SHISA9: variants seen among roughly 807,000 people sequenced by gnomAD.
SHISA9 encodes the protein shisa family member 9.
Under a neutral mutation model 38.0 loss-of-function variants are expected in SHISA9, and 13 were observed. The ratio of observed to expected loss-of-function variants is 0.34; its 90% CI spans 0.22 to 0.54. SHISA9 has a LOEUF of 0.54. Among genes scored for constraint, SHISA9 ranks in the 20% least tolerant of loss-of-function variants. The pLI is 0.91. For missense variants in SHISA9, 538 were observed against 575.8 expected, an observed-to-expected ratio of 0.93 and a Z score of 0.67; for synonymous variants, 275 against 242.0, an observed-to-expected ratio of 1.14 and a Z score of -1.27.
chr16:13,003,769 A>G (rs576853251), intron 2 of SHISA9, among the ~76,000 whole-genome samples: 2 of 152,234 alleles, frequency 1.3e-5, no homozygotes, highest in South Asian at 4.1e-4. Flanking sequence ...GAGCCAGGAG[A>G]ATCGCTTGAA....
At chr16:13,456,739 A>G in the SHISA9 span, among the ~76,000 whole-genome samples, 1 of 152,218 alleles carries the variant, frequency 6.6e-6, no homozygotes, top group Non-Finnish European at 1.5e-5. Flanking sequence ...CCATGTTGTC[A>G]ACTCTAACTC....
the SHISA9 span, among the ~76,000 whole-genome samples, chr16:13,376,838 C>T: frequency 2.6e-5 from 4 of 152,044 alleles, no homozygotes; most frequent in African/African-American, 9.7e-5. Context: ...CAGGTGCACA[C>T]CACTATGCCC....
chr16:12,911,397 G>GT lies in SHISA9; in HGVS notation c.564-5284dup, dbSNP rs544399827. On this transcript the variant is annotated intron_variant, in intron 1 of 4. Coordinates refer to ENST00000558583, the MANE Select transcript of SHISA9 (RefSeq NM_001145204.3). ...TTCAGCACATTCCTGTCTATAAAAT[G>GT]TTTTTTTGTATGCACCCCAATATAT... The GT allele has an allele frequency of 1.2e-4, 119 of 985,246 alleles. No individual in the cohort carries two copies. In the African/African-American group the frequency reaches 1.8e-3, roughly 15 times the overall value. 61.0% of individuals were successfully genotyped at this position (985,246 alleles called of 1,614,324 possible).
chr16:13,253,540 G>T, the SHISA9 span, among the ~76,000 whole-genome samples: 3 of 152,154 alleles, frequency 2.0e-5, no homozygotes, highest in Non-Finnish European at 1.5e-5. Context: ...AAGCAAAGTC[G>T]AATCTTGCAT....
the SHISA9 span, among the ~76,000 whole-genome samples, chr16:13,283,496 C>G: frequency 0.099 from 15,084 of 152,110 alleles, 1,038 homozygotes; most frequent in Non-Finnish European, 0.15. Flanking sequence ...AGAAGCAAGT[C>G]ACATCTTACA....
chr16:13,239,666 C>G lies in SHISA9; in HGVS notation c.*4257C>G, dbSNP rs932838888. 4 of 152,186 alleles carry G rather than the reference C, an allele frequency of 2.6e-5. No individual in the cohort carries two copies. The highest frequency in any genetic ancestry group is 9.7e-5 in the African/African-American group (4 of 41,442). The allele number at this position is 152,186 out of a possible 1,614,324, so 9.4% of individuals were successfully genotyped here. On this transcript the variant is annotated 3_prime_UTR_variant, in exon 5 of 5. Transcript: ENST00000558583. ...AGTGTCTGTTCATATCCTTCGCCCA[C>G]TTTTTGATGGGGTTGTTTGTTTTTT...
chr16:13,104,801 C>G (rs1489688856), intron 2 of SHISA9, among the ~76,000 whole-genome samples: 1 of 152,142 alleles, frequency 6.6e-6, no homozygotes, highest in Admixed American at 6.6e-5. Flanking sequence ...TACTAAAAAT[C>G]ACAGAATTGT....
At chr16:13,329,798 G>C in the SHISA9 span, among the ~76,000 whole-genome samples, 4 of 152,252 alleles carry the variant, frequency 2.6e-5, no homozygotes, top group African/African-American at 9.6e-5. Context: ...TGTTGCGTCC[G>C]TCCTGGAAAG....
intron 2 of SHISA9, among the ~76,000 whole-genome samples, chr16:12,986,778 A>C (rs531476081): frequency 1.6e-4 from 25 of 152,298 alleles, no homozygotes; most frequent in African/African-American, 6.0e-4. Context: ...TACGAAGGAG[A>C]AGAAGTACAA....
the SHISA9 span, among the ~76,000 whole-genome samples, chr16:13,473,970 T>C: frequency 6.6e-6 from 1 of 152,160 alleles, no homozygotes; most frequent in Non-Finnish European, 1.5e-5. Context: ...CAGTAAGAAA[T>C]GAATGTGCCA....
intron 2 of SHISA9, among the ~76,000 whole-genome samples, chr16:13,141,663 CAG>C (rs1269854846): frequency 6.6e-6 from 1 of 151,932 alleles, no homozygotes; most frequent in Non-Finnish European, 1.5e-5. Flanking sequence ...AGCCAGGTGA[CAG>C]AGCAAGACTC....
intron 2 of SHISA9, among the ~76,000 whole-genome samples, chr16:13,200,284 C>T (rs925172883): frequency 6.6e-6 from 1 of 152,036 alleles, no homozygotes; most frequent in East Asian, 1.9e-4. Context: ...TATCCTTTAT[C>T]GCCACTTGAG....
chr16:13,498,068 A>G, the SHISA9 span, among the ~76,000 whole-genome samples: 1 of 152,158 alleles, frequency 6.6e-6, no homozygotes, highest in South Asian at 2.1e-4. Context: ...AAATAAAACA[A>G]CAAATTAAAA....
the SHISA9 span, among the ~76,000 whole-genome samples, chr16:13,412,778 G>T: frequency 6.6e-6 from 1 of 151,668 alleles, no homozygotes; most frequent in Admixed American, 6.6e-5. Context: ...GATCACTTTA[G>T]CCCGGGAGGC....
chr16:12,910,831 T>C (rs1178527604), intron 1 of SHISA9: 1 of 674,092 alleles, frequency 1.5e-6, no homozygotes, highest in Non-Finnish European at 1.8e-6. Flanking sequence ...CTTGTACAAG[T>C]CTGAAGGCCG....
At chr16:13,037,118 A>ACACG (rs1187591739) in intron 2 of SHISA9, among the ~76,000 whole-genome samples, 210 of 137,104 alleles carry the variant, frequency 1.5e-3, no homozygotes, top group African/African-American at 6.1e-3. Context: ...AGACACACAC[A>ACACG]CACACACACA....
the SHISA9 span, among the ~76,000 whole-genome samples, chr16:13,483,302 C>T: frequency 6.6e-6 from 1 of 152,128 alleles, no homozygotes; most frequent in Non-Finnish European, 1.5e-5. Context: ...GGGATGGTTT[C>T]ATGACTCAGA....
At chr16:13,417,414 A>G in the SHISA9 span, among the ~76,000 whole-genome samples, 1 of 152,052 alleles carries the variant, frequency 6.6e-6, no homozygotes, top group Non-Finnish European at 1.5e-5. Flanking sequence ...GAATCTGTCC[A>G]CTAAAGGAGA....
chr16:13,444,279 G>A, the SHISA9 span, among the ~76,000 whole-genome samples: 1 of 152,108 alleles, frequency 6.6e-6, no homozygotes. Context: ...GCTGAGGTGG[G>A]AGGATTGCTT....
Sources: allele counts gnomAD v4.1 joint callset (sites outside exome capture counted in the v4.1 genomes callset), GRCh38; gene constraint gnomAD v4.1.1; transcripts MANE v1.5; gene names NCBI Gene and HGNC (gene_info 2026-07-23, HGNC 2026-07-21).